WNT2B: variants seen among roughly 807,000 people sequenced by gnomAD.
WNT2B encodes the protein Wnt family member 2B.
Under a neutral mutation model 40.5 loss-of-function variants are expected in WNT2B, and 19 were observed. The ratio of observed to expected loss-of-function variants is 0.47; its 90% CI spans 0.33 to 0.69. WNT2B has a LOEUF of 0.69. Ranked by LOEUF, WNT2B falls within the 30% of genes least tolerant of loss-of-function variation. WNT2B has a pLI of 0.02. For missense variants in WNT2B, 467 were observed against 556.4 expected (o/e 0.84, Z 1.62); for synonymous variants, 220 against 211.9 (o/e 1.04, Z -0.33).
intron 1 of WNT2B, among the ~76,000 whole-genome samples, chr1:112,495,594 A>C (rs997552833): frequency 6.6e-6 from 1 of 151,354 alleles, no homozygotes; most frequent in Non-Finnish European, 1.5e-5. Context: ...GTCTCAAAAA[A>C]AAAAAAAAAA....
At position 112,526,808 on chromosome 1, in the gene WNT2B, C is replaced by G. The variant is rs1468443003; in HGVS notation, c.*6299C>G. ...ATTTCACTCCTTTTAAAAATGACGT[C>G]AACTCCTGGGTTAGGAAAGCAAGAT... On this transcript the variant is annotated 3_prime_UTR_variant, in exon 5 of 5. Transcript: ENST00000369684. The G allele has an allele frequency of 6.6e-6, 1 of 151,878 alleles. No individual in the cohort carries two copies. The allele number at this position is 151,878 out of a possible 1,614,324, so 9.4% of individuals were successfully genotyped here.
At chr1:112,514,834 A>T (rs765172629) in intron 1 of WNT2B, 40 bp from the exon 2 acceptor site, 16 of 1,596,240 alleles carry the variant, frequency 1.0e-5, no homozygotes, top group Admixed American at 1.7e-5. Flanking sequence ...ATGCAGAAAA[A>T]GGTCTGGGAT....
intron 1 of WNT2B, among the ~76,000 whole-genome samples, chr1:112,485,396 G>A (rs1651381906): frequency 6.6e-6 from 1 of 151,404 alleles, no homozygotes; most frequent in Non-Finnish European, 1.5e-5. Flanking sequence ...AGGAGGCAGA[G>A]GTTGCAGTGA....
chr1:112,526,035 T>TC lies in WNT2B; in HGVS notation c.*5527dup, dbSNP rs1185718139. 2 of 1,614,122 alleles carry TC rather than the reference T, an allele frequency of 1.2e-6. No individual in the cohort carries two copies. The highest frequency in any genetic ancestry group is 1.7e-6 in the Non-Finnish European group (2 of 1,180,012). On this transcript the variant is annotated 3_prime_UTR_variant, in exon 5 of 5. Coordinates refer to ENST00000369684, the MANE Select transcript of WNT2B (RefSeq NM_024494.3). The stretch of plus-strand genomic sequence containing the variant: ...GGCTCAGCCAGAACTCAAACCTAGG[T>TC]CTTCTGACTTCAAATCCTGTGTATT...
rs1032037006 is a variant in WNT2B, at chr1:112,527,881, CAGTA to C, written c.*7375_*7378del. On this transcript the variant is annotated 3_prime_UTR_variant, in exon 5 of 5. Transcript: ENST00000369684. ...AATGTAACTATGAAGTAAAAGGAAA[CAGTA>C]AGGAAGGTGAACTGGAACTCTGGGG... The C allele has an allele frequency of 3.9e-5, 6 of 152,190 alleles. No homozygotes were observed. The highest frequency in any genetic ancestry group is 4.8e-5 in the African/African-American group (2 of 41,440). The allele number at this position is 152,190 out of a possible 1,614,324, so 9.4% of individuals were successfully genotyped here.
At chr1:112,506,184 T>G (rs1037044125), upstream of WNT2B, among the ~76,000 whole-genome samples, 1 of 152,036 alleles carries the variant, frequency 6.6e-6, no homozygotes, top group South Asian at 2.1e-4. Context: ...TTTAAAAAAT[T>G]TTTTGGGTCT....
At chr1:112,495,864 C>T (rs901389770) in intron 1 of WNT2B, among the ~76,000 whole-genome samples, 1 of 152,134 alleles carries the variant, frequency 6.6e-6, no homozygotes, top group Non-Finnish European at 1.5e-5. Context: ...CTGGCAGGTT[C>T]CTTGTCTGGT....
At chr1:112,467,411 C>G (rs1650739979) in exon 1 of WNT2B, 1 of 647,758 alleles carries the variant, frequency 1.5e-6, no homozygotes, top group Non-Finnish European at 2.8e-6. Context: ...CTGGCATGGC[C>G]CCTTCCAAAC....
At chr1:112,476,379 A>C (rs1348342141) in intron 1 of WNT2B, among the ~76,000 whole-genome samples, 2 of 152,210 alleles carry the variant, frequency 1.3e-5, no homozygotes, top group East Asian at 3.8e-4. Context: ...AGTTCAAATG[A>C]CATCACCAAG....
intron 1 of WNT2B, among the ~76,000 whole-genome samples, chr1:112,496,804 T>C (rs1651789074): frequency 6.6e-6 from 1 of 152,078 alleles, no homozygotes; most frequent in Non-Finnish European, 1.5e-5. Flanking sequence ...TTCTCCATGT[T>C]GGTCAGGCTG....
At chr1:112,510,741 A>G (rs1652321684) in intron 1 of WNT2B, among the ~76,000 whole-genome samples, 3 of 148,420 alleles carry the variant, frequency 2.0e-5, no homozygotes, top group Non-Finnish European at 3.0e-5. Flanking sequence ...GAAGGCAAGG[A>G]GGGGGGGTTC....
intron 1 of WNT2B, among the ~76,000 whole-genome samples, chr1:112,492,138 A>C (rs1651621738): frequency 6.6e-6 from 1 of 152,224 alleles, no homozygotes; most frequent in Non-Finnish European, 1.5e-5. Context: ...AGAAACTATT[A>C]TAAATCAATA....
intron 1 of WNT2B, among the ~76,000 whole-genome samples, chr1:112,474,593 T>A (rs1651000684): frequency 6.6e-6 from 1 of 152,210 alleles, no homozygotes; most frequent in Non-Finnish European, 1.5e-5. Flanking sequence ...GGAAAAAAAC[T>A]GTCAACCTAG....
chr1:112,483,026 A>G (rs1651277292), intron 1 of WNT2B, among the ~76,000 whole-genome samples: 1 of 152,120 alleles, frequency 6.6e-6, no homozygotes, highest in Non-Finnish European at 1.5e-5. Flanking sequence ...ACACTTCCCA[A>G]TTTTGAAATG....
chr1:112,512,575 G>T (rs1244387779), intron 1 of WNT2B, among the ~76,000 whole-genome samples: 1 of 152,236 alleles, frequency 6.6e-6, no homozygotes, highest in Non-Finnish European at 1.5e-5. Context: ...GAAGCATTCT[G>T]GGGCAGGAAG....
At chr1:112,508,886 C>T (rs1652227002), upstream of WNT2B, 1 of 1,034,484 alleles carries the variant, frequency 9.7e-7, no homozygotes, top group Non-Finnish European at 1.2e-6. This position sits in a 1 kb window ranked among gnomAD's most constrained non-coding sequence, Gnocchi z 4.2. Context: ...GGCGGAGCCG[C>T]CCTAAGGGCC....
intron 1 of WNT2B, among the ~76,000 whole-genome samples, chr1:112,469,521 G>A (rs1320892777): frequency 6.6e-6 from 1 of 151,918 alleles, no homozygotes; most frequent in Non-Finnish European, 1.5e-5. Context: ...TCAGTTTTAT[G>A]TAGTATACCT....
intron 1 of WNT2B, among the ~76,000 whole-genome samples, chr1:112,512,957 G>A (rs1477043300): frequency 6.6e-6 from 1 of 152,130 alleles, no homozygotes; most frequent in Non-Finnish European, 1.5e-5. Context: ...ACTCAGTGAG[G>A]ATGTAATAAA....
chr1:112,480,212 C>CA (rs1651182866), intron 1 of WNT2B, among the ~76,000 whole-genome samples: 1 of 151,806 alleles, frequency 6.6e-6, no homozygotes, highest in African/African-American at 2.4e-5. Flanking sequence ...ACTAAAAATA[C>CA]AAAAATTAGC....
Sources: gnomAD v4.1 joint callset for allele counts (sites outside exome capture counted in the v4.1 genomes callset) on GRCh38, gnomAD v4.1.1 for gene constraint, Gnocchi (gnomAD v3.1) non-coding constraint, MANE v1.5 for transcripts, NCBI Gene and HGNC (gene_info 2026-07-23, HGNC 2026-07-21) for gene names.